Variants in PAK6 observed in about 807,000 individuals in gnomAD.
PAK6 encodes serine/threonine-protein kinase PAK 6.
Under a neutral mutation model 60.8 loss-of-function variants are expected in PAK6, and 33 were observed. That is an observed-to-expected ratio of 0.54 (90% CI 0.41 to 0.73). The LOEUF is 0.73. Ranked by LOEUF, PAK6 falls within the 30% of genes least tolerant of loss-of-function variation. PAK6 has a pLI of 0.00. For missense variants in PAK6, 845 were observed against 904.1 expected (o/e 0.93, Z 0.84); for synonymous variants, 404 against 378.5 (o/e 1.07, Z -0.78).
chr15:40,276,559 C>A (rs557795583), exon 11 of PAK6: 158 of 156,956 alleles, frequency 1.0e-3, no homozygotes, highest in Middle Eastern at 3.2e-3. Context: ...ACCGGAATCC[C>A]GCTTCCTCCC....
chr15:40,265,724 G>A, intron 4 of PAK6, 118 bp from the exon 5 acceptor site: 1 of 831,664 alleles, frequency 1.2e-6, no homozygotes, highest in Non-Finnish European at 1.8e-6. Context: ...CAGCAGGGAA[G>A]GTCCTTAGGT....
chr15:40,274,841 G>T (rs1297891552), intron 10 of PAK6, among the ~76,000 whole-genome samples: 1 of 152,184 alleles, frequency 6.6e-6, no homozygotes, highest in Admixed American at 6.5e-5. Flanking sequence ...CCTTACTGTG[G>T]ACGCCCCCTG....
Position 40,252,787 on chromosome 15 carries a change from G to A in PAK6, c.-117-391G>A, listed in dbSNP as rs1311497903. ...TGGGTGCCCATGCCCCGAAGTTCGG[G>A]ACCAGCCGGCGCCAGGCGAGGGGCC... On this transcript the variant is annotated intron_variant, in intron 2 of 10. Coordinates refer to ENST00000560346, the Ensembl canonical transcript of PAK6. 3.1e-6 allele frequency: 4 copies of A among 1,299,732 alleles called. No individual in the cohort carries two copies. The South Asian group carries it at 4.9e-5, about 16-fold the overall frequency. The allele number at this position is 1,299,732 out of a possible 1,614,324, so 80.5% of individuals were successfully genotyped here.
chr15:40,267,577 T>G (rs182806178), intron 5 of PAK6, among the ~76,000 whole-genome samples: 751 of 152,234 alleles, frequency 4.9e-3, no homozygotes, highest in Non-Finnish European at 8.5e-3. Flanking sequence ...GAGAATGGCG[T>G]GAACCCGGGA....
intron 3 of PAK6, chr15:40,259,164 T>A (rs1354778299): frequency 6.6e-6 from 1 of 152,170 alleles, no homozygotes; most frequent in Non-Finnish European, 1.5e-5. Context: ...TGCGTGCAGA[T>A]GGAGATGCTA....
At chr15:40,262,528 AAAC>A (rs1035483330) in intron 3 of PAK6, among the ~76,000 whole-genome samples, 4 of 136,060 alleles carry the variant, frequency 2.9e-5, no homozygotes, top group Non-Finnish European at 6.0e-5. Flanking sequence ...CAACAACAAC[AAAC>A]AACAACAAAA....
exon 4 of PAK6, chr15:40,264,827 G>A (rs145212795): frequency 8.2e-5 from 132 of 1,613,946 alleles, no homozygotes; most frequent in African/African-American, 6.5e-4. Flanking sequence ...AGATCTCAGC[G>A]CCACAGAACT....
chr15:40,272,298 G>C (rs149513654), exon 6 of PAK6: 3 of 1,613,970 alleles, frequency 1.9e-6, no homozygotes, highest in African/African-American at 2.7e-5. Context: ...CCTTGCCCTC[G>C]GACCAGCCGG....
intron 3 of PAK6, among the ~76,000 whole-genome samples, chr15:40,255,678 G>A (rs1281240166): frequency 6.6e-6 from 1 of 152,244 alleles, no homozygotes. Flanking sequence ...AAGAGGAGCA[G>A]ATGGCAGACT....
At chr15:40,266,152 G>A (rs1305097773) in exon 5 of PAK6, 2 of 1,609,388 alleles carry the variant, frequency 1.2e-6, no homozygotes, top group Admixed American at 3.3e-5. Context: ...CTGCCCAATG[G>A]GCTGGCTGCA....
At chr15:40,275,280 G>GTTTTTTTTTTTGTTTTT (rs1555389201) in intron 10 of PAK6, among the ~76,000 whole-genome samples, 1 of 56,486 alleles carries the variant, frequency 1.8e-5, no homozygotes, top group Non-Finnish European at 3.1e-5. Flanking sequence ...GTTGTTGTTG[G>GTTTTTTTTTTTGTTTTT]TTTTTTTTTT....
At position 40,252,646 on chromosome 15, in the gene PAK6, G is replaced by A. The variant is rs761588408; in HGVS notation, c.-117-532G>A. On this transcript the variant is annotated intron_variant, in intron 2 of 10. Transcript: ENST00000560346. ...GGTCCCTCCCGCGGAGGGCGGGCCC[G>A]GCTCCCACGACCTCTTCGAGCGTTC... is the stretch of plus-strand genomic sequence containing the variant. The A allele has an allele frequency of 3.0e-6, 4 of 1,328,060 alleles. No homozygotes were observed. In the African/African-American group the frequency reaches 4.5e-5, roughly 15 times the overall value. The allele number at this position is 1,328,060 out of a possible 1,614,324, so 82.3% of individuals were successfully genotyped here. A position where few individuals can be genotyped will look rare whatever the true frequency, so the allele number is the denominator to read the frequency against.
chr15:40,273,148 G>A, intron 7 of PAK6, 149 bp downstream of exon 7: 1 of 1,182,254 alleles, frequency 8.5e-7, no homozygotes, highest in East Asian at 2.5e-5. Context: ...GGGGTCTTGG[G>A]AGTGGAGAAG....
chr15:40,243,541 C>T (rs2038415462), intron 2 of PAK6, among the ~76,000 whole-genome samples: 1 of 152,144 alleles, frequency 6.6e-6, no homozygotes, highest in Admixed American at 6.5e-5. Flanking sequence ...CTATTATCAC[C>T]GTGATGATAA....
At chr15:40,246,546 G>GCTC (rs1215524759) in intron 2 of PAK6, 1 of 152,232 alleles carries the variant, frequency 6.6e-6, no homozygotes, top group Non-Finnish European at 1.5e-5. Flanking sequence ...GGCATTCAGG[G>GCTC]CTCCTGTCGA....
intron 3 of PAK6, chr15:40,258,616 G>C (rs2038900959): frequency 6.6e-6 from 1 of 152,324 alleles, no homozygotes; most frequent in South Asian, 2.1e-4. Flanking sequence ...GTGACCCCAG[G>C]TACATAGCTC....
At chr15:40,247,223 C>G (rs1445810787) in intron 2 of PAK6, 1 of 152,294 alleles carries the variant, frequency 6.6e-6, no homozygotes, top group Non-Finnish European at 1.5e-5. Flanking sequence ...AAGGAGGCAT[C>G]CAGCTGTTAG....
intron 3 of PAK6, chr15:40,259,620 C>T (rs1203734409): frequency 1.3e-5 from 2 of 152,058 alleles, no homozygotes; most frequent in East Asian, 3.9e-4. Context: ...AACCCTATCT[C>T]TACTAAAAAT....
chr15:40,241,419 C>A (rs1270961762), intron 2 of PAK6, among the ~76,000 whole-genome samples: 2 of 151,660 alleles, frequency 1.3e-5, no homozygotes, highest in Non-Finnish European at 2.9e-5. Context: ...AGCCGTGTGG[C>A]CCCCAGGCCT....
Sources: allele counts gnomAD v4.1 joint callset (sites outside exome capture counted in the v4.1 genomes callset), GRCh38; gene constraint gnomAD v4.1.1; transcripts MANE v1.5; gene names NCBI Gene and HGNC (gene_info 2026-07-23, HGNC 2026-07-21).